FRMPD4: variants seen among roughly 807,000 people sequenced by gnomAD.
The protein encoded by FRMPD4 is FERM and PDZ domain-containing protein 4.
In FRMPD4, 22 loss-of-function variants were observed where a neutral mutation model predicts 94.1. The ratio of observed to expected loss-of-function variants is 0.23; its 90% confidence interval spans 0.17 to 0.33. The LOEUF (loss-of-function observed/expected upper bound fraction) is 0.33, where lower values mean the gene tolerates loss of function less well. Ranked by LOEUF, FRMPD4 falls within the 10% of genes least tolerant of loss-of-function variation. The pLI is 1.00. For synonymous variants in FRMPD4, 631 were observed against 548.6 expected, an observed-to-expected ratio of 1.15 and a Z score of -2.10; for missense variants, 1,111 against 1,339.9, an observed-to-expected ratio of 0.83 and a Z score of 2.67.
intron 1 of FRMPD4, among the ~76,000 whole-genome samples, chrX:11,850,097 T>G (rs1271031132): frequency 9.0e-6 from 1 of 111,478 alleles, no homozygotes; most frequent in Non-Finnish European, 1.9e-5. Context: ...CCAAATAACC[T>G]GACTAAAAAA....
intron 2 of FRMPD4, among the ~76,000 whole-genome samples, chrX:12,540,921 C>G (rs2058402679): frequency 8.9e-6 from 1 of 112,022 alleles, no homozygotes; most frequent in Non-Finnish European, 1.9e-5. Flanking sequence ...AACTAGACCT[C>G]AGGATTAAGA....
chrX:12,640,092 A>G (rs925318559), intron 4 of FRMPD4, among the ~76,000 whole-genome samples: 2 of 110,492 alleles, frequency 1.8e-5, no homozygotes, highest in African/African-American at 6.6e-5. Context: ...TGAGCTCAGG[A>G]GTTCGAGACC....
chrX:12,453,022 T>C (rs2057290820), intron 1 of FRMPD4, among the ~76,000 whole-genome samples: 3 of 112,387 alleles, frequency 2.7e-5, no homozygotes, highest in Admixed American at 1.9e-4. Context: ...AATTATATAA[T>C]GTGACTCTCA....
At chrX:12,200,689 T>A (rs970884809) in intron 1 of FRMPD4, among the ~76,000 whole-genome samples, 4 of 111,279 alleles carry the variant, frequency 3.6e-5, no homozygotes, top group Non-Finnish European at 7.5e-5. Flanking sequence ...ATGGTGAAAC[T>A]CTGTTATTGT....
chrX:12,702,747 TCTGACAACTCTCA>T (rs2041810379), intron 10 of FRMPD4, among the ~76,000 whole-genome samples: 1 of 112,425 alleles, frequency 8.9e-6, no homozygotes, highest in Non-Finnish European at 1.9e-5. Flanking sequence ...ACACCACTGT[TCTGACAACTCTCA>T]GTCACCTGTT....
intron 1 of FRMPD4, among the ~76,000 whole-genome samples, chrX:12,462,764 C>T (rs779700295): frequency 5.4e-5 from 6 of 111,957 alleles, no homozygotes; most frequent in East Asian, 2.8e-4. Context: ...CGAGGTGGGA[C>T]GATCACTTGA....
At chrX:12,708,483 A>C (rs1360877682) in intron 13 of FRMPD4, among the ~76,000 whole-genome samples, 1 of 103,871 alleles carries the variant, frequency 9.6e-6, no homozygotes, top group African/African-American at 4.0e-5. Flanking sequence ...AAAAAAAAAA[A>C]ACACAAAAAT....
intron 1 of FRMPD4, among the ~76,000 whole-genome samples, chrX:11,859,194 A>G (rs1410379490): frequency 8.9e-6 from 1 of 111,793 alleles, no homozygotes; most frequent in East Asian, 2.8e-4. Flanking sequence ...TTTTCTGCAC[A>G]TGGGAAGAAC....
At chrX:12,063,942 G>A (rs2054902576) in intron 3 of FRMPD4, among the ~76,000 whole-genome samples, 1 of 112,397 alleles carries the variant, frequency 8.9e-6, no homozygotes, top group Non-Finnish European at 1.9e-5. Flanking sequence ...ATTCACTTTT[G>A]TTTTGATAAA....
Position 12,463,681 on chromosome X carries a change from G to GTTTTTTTTTTTTTT in FRMPD4, c.42-34989_42-34988insTTTTTTTTTTTTTT, listed in dbSNP as rs764684007. 9.8e-5 allele frequency among the ~76,000 whole-genome samples: 5 copies of GTTTTTTTTTTTTTT among 51,039 alleles called. 2 individuals carry two copies. Among genetic ancestry groups the GTTTTTTTTTTTTTT allele is most frequent in the African/African-American group, 4.3e-4 (5 of 11,595 alleles). 44.3% of individuals were successfully genotyped at this position (51,039 alleles called of 115,157 possible). On this transcript the variant is annotated intron_variant, in intron 1 of 16. Coordinates refer to ENST00000675598, the MANE Select transcript of FRMPD4 (RefSeq NM_001368397.1). ...GGGTGCCTGTGCCTCCTATGTGTGT[G>GTTTTTTTTTTTTTT]TTTTTTTTTTGTTTTTGTTTTTTTT... is the stretch of plus-strand genomic sequence containing the variant.
At chrX:12,614,975 C>T in intron 4 of FRMPD4, 94 bp downstream of exon 4, 1 of 434,467 alleles carries the variant, frequency 2.3e-6, no homozygotes, top group Non-Finnish European at 4.0e-6. Context: ...TCCTGTGGGA[C>T]AATTTAGGAT....
At chrX:12,055,513 A>G (rs931909064) in intron 3 of FRMPD4, among the ~76,000 whole-genome samples, 1 of 111,988 alleles carries the variant, frequency 8.9e-6, no homozygotes, top group African/African-American at 3.2e-5. Flanking sequence ...AGGCTTCCTG[A>G]GGCCTCACCA....
At chrX:12,094,482 C>T (rs947976143) in intron 3 of FRMPD4, among the ~76,000 whole-genome samples, 9 of 112,054 alleles carry the variant, frequency 8.0e-5, no homozygotes, top group African/African-American at 2.9e-4. Flanking sequence ...CCAGAGGCTC[C>T]ATGCTGTGCC....
In FRMPD4 at chrX:11,955,201, C is replaced by T. The variant is rs1483345053; in HGVS notation, c.95+77183C>T. Among the ~76,000 whole-genome samples the T allele has an allele frequency of 3.6e-5, 4 of 111,189 alleles. No individual in the cohort carries two copies. The East Asian group carries it at 1.1e-3, about 32-fold the overall frequency. On this transcript the variant is annotated intron_variant, in intron 3 of 18. Transcript: ENST00000640291. Reference sequence around the variant, plus strand: ...CGAGGGCTGCACTCTCATGACCTAACCACCTCCCAAAATCCTCACCTCCTA... The same window carrying T: ...CGAGGGCTGCACTCTCATGACCTAATCACCTCCCAAAATCCTCACCTCCTA...
At chrX:12,400,899 T>A (rs757087140) in intron 1 of FRMPD4, among the ~76,000 whole-genome samples, 1 of 111,992 alleles carries the variant, frequency 8.9e-6, no homozygotes, top group Non-Finnish European at 1.9e-5. Flanking sequence ...AACTCCATTT[T>A]TAGCAAGTCT....
chrX:11,893,078 C>G (rs184005420), intron 3 of FRMPD4, among the ~76,000 whole-genome samples: 1 of 111,920 alleles, frequency 8.9e-6, no homozygotes, highest in African/African-American at 3.2e-5. Flanking sequence ...TTGTTAACAC[C>G]TTTGATTTTG....
intron 1 of FRMPD4, among the ~76,000 whole-genome samples, chrX:11,833,707 T>C (rs1044267398): frequency 1.8e-5 from 2 of 111,758 alleles, no homozygotes; most frequent in African/African-American, 6.5e-5. Flanking sequence ...TGCACCCTCC[T>C]GCAGCAGAGA....
chrX:12,118,758 T>C (rs149662035), intron 3 of FRMPD4, among the ~76,000 whole-genome samples: 204 of 112,220 alleles, frequency 1.8e-3, no homozygotes, highest in African/African-American at 6.2e-3. Flanking sequence ...AGTACATTTA[T>C]ATTATGCAGT....
intron 4 of FRMPD4, among the ~76,000 whole-genome samples, chrX:12,629,578 G>T (rs1215766761): frequency 8.9e-6 from 1 of 112,276 alleles, no homozygotes; most frequent in Admixed American, 9.4e-5. Flanking sequence ...AGTAAGTAAA[G>T]CTCTTAGCGG....
Sources: allele counts gnomAD v4.1 joint callset (sites outside exome capture counted in the v4.1 genomes callset), GRCh38; gene constraint gnomAD v4.1.1; transcripts MANE v1.5; gene names NCBI Gene and HGNC (gene_info 2026-07-23, HGNC 2026-07-21).